The following CSMD1 variants were observed in gnomAD, a reference collection of about 807,000 sequenced individuals.
CSMD1 encodes the protein CUB and Sushi multiple domains 1.
Under a neutral mutation model 417.5 loss-of-function variants are expected in CSMD1, and 213 were observed. The observed-to-expected ratio is 0.51, with a 90% CI of 0.46 to 0.57. CSMD1 has a LOEUF of 0.57. Among genes scored for constraint, CSMD1 ranks in the 20% least tolerant of loss-of-function variants. The pLI, the probability that CSMD1 is intolerant of heterozygous loss-of-function variation, is 0.00. For synonymous variants in CSMD1, 2,862 were observed against 1,736.8 expected, an observed-to-expected ratio of 1.65 and a Z score of -16.11; for missense variants, 6,923 against 4,529.7, an observed-to-expected ratio of 1.53 and a Z score of -15.17.
intron 26 of CSMD1, among the ~76,000 whole-genome samples, chr8:3,254,803 G>T (rs1388116728): frequency 6.6e-6 from 1 of 151,920 alleles, no homozygotes; most frequent in East Asian, 1.9e-4. Context: ...TAACTTCTTT[G>T]CCATGGGTTC....
rs1295676213 is a variant in CSMD1, at chr8:4,370,215, G to GAAA, written c.415+49737_415+49738insTTT. On this transcript the variant is annotated intron_variant, in intron 3 of 69. Coordinates refer to ENST00000635120, the MANE Select transcript of CSMD1 (RefSeq NM_033225.6). ...CTTTGCTTATGAAGGTTAGTTTGGT[G>GAAA]AGATACGAAATTCTTGTTTGGAATT... is the stretch of plus-strand genomic sequence containing the variant. Among the ~76,000 whole-genome samples the GAAA allele has an allele frequency of 1.1e-3, 162 of 152,222 alleles. 1 individual carries two copies. Among genetic ancestry groups the GAAA allele is most frequent in the African/African-American group, 3.7e-3 (154 of 41,536 alleles).
intron 1 of CSMD1, among the ~76,000 whole-genome samples, chr8:4,949,449 A>G (rs1272041447): frequency 6.6e-6 from 1 of 152,214 alleles, no homozygotes; most frequent in Admixed American, 6.5e-5. Flanking sequence ...TTATTTATAG[A>G]AAAATATTCA....
At chr8:4,458,343 T>C (rs1183248247) in intron 2 of CSMD1, among the ~76,000 whole-genome samples, 1 of 152,196 alleles carries the variant, frequency 6.6e-6, no homozygotes, top group African/African-American at 2.4e-5. Flanking sequence ...CTGAAAGTTA[T>C]ATCAGTAATC....
At chr8:3,838,478 A>G (rs984753522) in intron 5 of CSMD1, among the ~76,000 whole-genome samples, 1 of 137,222 alleles carries the variant, frequency 7.3e-6, no homozygotes, top group Admixed American at 7.8e-5. Context: ...TATATTATAT[A>G]TAGCCTATAG....
intron 2 of CSMD1, among the ~76,000 whole-genome samples, chr8:4,508,322 C>T (rs543532153): frequency 3.9e-4 from 59 of 151,908 alleles, no homozygotes; most frequent in African/African-American, 1.3e-3. Context: ...GTTTTTCCTT[C>T]GAGAAAACTA....
intron 2 of CSMD1, among the ~76,000 whole-genome samples, chr8:4,455,963 A>AAAAAAAAAAAG (rs1799448292): frequency 7.5e-6 from 1 of 133,756 alleles, no homozygotes; most frequent in Non-Finnish European, 1.6e-5. Flanking sequence ...AAAAAAAAAA[A>AAAAAAAAAAAG]TGCAGTTAAG....
intron 7 of CSMD1, among the ~76,000 whole-genome samples, chr8:3,665,719 T>C (rs1798655161): frequency 6.6e-6 from 1 of 151,836 alleles, no homozygotes; most frequent in African/African-American, 2.4e-5. Flanking sequence ...ATATCTTATC[T>C]CAAATGAATT....
intron 4 of CSMD1, among the ~76,000 whole-genome samples, chr8:3,998,919 A>G (rs565350101): frequency 3.6e-4 from 53 of 148,958 alleles, no homozygotes; most frequent in African/African-American, 1.2e-3. Flanking sequence ...TATAAATAAC[A>G]AACTATATAG....
At chr8:4,339,115 A>C (rs1156619916) in intron 3 of CSMD1, among the ~76,000 whole-genome samples, 1 of 152,114 alleles carries the variant, frequency 6.6e-6, no homozygotes, top group Non-Finnish European at 1.5e-5. Context: ...CTCATCTCTG[A>C]GGCAGAAATA....
chr8:3,024,132 G>T (rs987084934), intron 51 of CSMD1, among the ~76,000 whole-genome samples: 1 of 151,016 alleles, frequency 6.6e-6, no homozygotes, highest in Non-Finnish European at 1.5e-5. Flanking sequence ...TTCATGGTGT[G>T]GTGTGTGTGT....
intron 65 of CSMD1, 60 bp downstream of exon 65, chr8:2,954,164 C>T (rs1802834642): frequency 3.3e-6 from 3 of 903,954 alleles, no homozygotes; most frequent in Non-Finnish European, 5.0e-6. Flanking sequence ...TTTCACTGTG[C>T]AGAGTAGAGA....
intron 1 of CSMD1, among the ~76,000 whole-genome samples, chr8:4,764,872 C>CAAAA (rs1194894751): frequency 1.3e-3 from 65 of 50,802 alleles, no homozygotes; most frequent in African/African-American, 2.1e-3. Context: ...GACTCCATCT[C>CAAAA]AAAAAAAAAA....
intron 3 of CSMD1, among the ~76,000 whole-genome samples, chr8:4,088,442 C>A (rs1383410126): frequency 1.3e-5 from 2 of 152,214 alleles, no homozygotes; most frequent in African/African-American, 4.8e-5. Context: ...ATTTCTCAGC[C>A]TCTGTCTCTC....
chr8:4,002,878 T>C (rs973784372), intron 4 of CSMD1, among the ~76,000 whole-genome samples: 3 of 152,224 alleles, frequency 2.0e-5, no homozygotes, highest in Non-Finnish European at 4.4e-5. Context: ...AATGGGTAAC[T>C]TGTTACATTA....
At chr8:4,945,608 C>G (rs1808311578) in intron 1 of CSMD1, among the ~76,000 whole-genome samples, 1 of 151,352 alleles carries the variant, frequency 6.6e-6, no homozygotes, top group African/African-American at 2.4e-5. Flanking sequence ...ATAAGAAATT[C>G]TAAGTGATGT....
At chr8:3,679,733 T>C (rs535235239) in intron 7 of CSMD1, among the ~76,000 whole-genome samples, 3 of 152,192 alleles carry the variant, frequency 2.0e-5, no homozygotes, top group Non-Finnish European at 2.9e-5. Flanking sequence ...AGAATATACA[T>C]TCTTCTCAGC....
intron 68 of CSMD1, among the ~76,000 whole-genome samples, chr8:2,947,599 A>G (rs1802338642): frequency 1.3e-5 from 2 of 152,232 alleles, no homozygotes; most frequent in South Asian, 4.1e-4. Flanking sequence ...TAGCAAACTG[A>G]TAGTTCAGGT....
intron 5 of CSMD1, among the ~76,000 whole-genome samples, chr8:3,964,722 C>G (rs1303514656): frequency 6.6e-6 from 1 of 152,186 alleles, no homozygotes; most frequent in Non-Finnish European, 1.5e-5. Context: ...AAATCCATTG[C>G]AATGTACTTG....
intron 5 of CSMD1, among the ~76,000 whole-genome samples, chr8:3,981,376 C>T (rs1014951030): frequency 7.2e-5 from 11 of 151,814 alleles, no homozygotes; most frequent in South Asian, 2.1e-4. Flanking sequence ...GGATAAAAGA[C>T]AACAAATATG....
Sources: allele counts gnomAD v4.1 joint callset (sites outside exome capture counted in the v4.1 genomes callset), GRCh38; gene constraint gnomAD v4.1.1; transcripts MANE v1.5; gene names NCBI Gene and HGNC (gene_info 2026-07-23, HGNC 2026-07-21).